The following ACSS3 variants were observed in gnomAD, a reference collection of about 807,000 sequenced individuals.
ACSS3 encodes the protein acyl-CoA synthetase short chain family member 3, also known as acyl-CoA synthetase short-chain family member 3, mitochondrial.
ACSS3 carries 64 observed loss-of-function variants against 84.2 expected under a neutral mutation model. The observed-to-expected ratio is 0.76, with a 90% CI of 0.62 to 0.94. The LOEUF (loss-of-function observed/expected upper bound fraction) is 0.94, where lower values mean the gene tolerates loss of function less well. Ranked by LOEUF, ACSS3 falls within the 40% of genes least tolerant of loss-of-function variation. The pLI is 0.00. For missense variants in ACSS3, 815 were observed against 867.6 expected, an observed-to-expected ratio of 0.94 and a Z score of 0.76; for synonymous variants, 317 against 310.1, an observed-to-expected ratio of 1.02 and a Z score of -0.23.
intron 3 of ACSS3, among the ~76,000 whole-genome samples, chr12:81,137,837 C>A (rs1885888330): frequency 6.6e-6 from 1 of 151,992 alleles, no homozygotes; most frequent in Admixed American, 6.6e-5. Flanking sequence ...ATTCAAATGT[C>A]TGACCTTTAA....
intron 1 of ACSS3, among the ~76,000 whole-genome samples, chr12:81,095,350 G>T (rs1881966895): frequency 6.6e-6 from 1 of 152,074 alleles, no homozygotes; most frequent in African/African-American, 2.4e-5. Context: ...CACTGTATTT[G>T]AATTTAATAT....
At chr12:81,103,643 C>A (rs1318318997) in intron 1 of ACSS3, among the ~76,000 whole-genome samples, 2 of 151,902 alleles carry the variant, frequency 1.3e-5, no homozygotes, top group African/African-American at 4.8e-5. Flanking sequence ...GCCTACAGAA[C>A]CTACCTCATT....
intron 7 of ACSS3, among the ~76,000 whole-genome samples, chr12:81,156,964 G>A (rs1886906714): frequency 6.6e-6 from 1 of 151,958 alleles, no homozygotes; most frequent in South Asian, 2.1e-4. Context: ...GTCTCTTTCA[G>A]AAAATAGAAG....
chr12:81,168,604 C>T (rs1381234704), intron 7 of ACSS3, among the ~76,000 whole-genome samples: 1 of 152,108 alleles, frequency 6.6e-6, no homozygotes, highest in Non-Finnish European at 1.5e-5. Flanking sequence ...CTAATCCTTC[C>T]ATCTTTGGAG....
intron 1 of ACSS3, among the ~76,000 whole-genome samples, chr12:81,088,047 TG>T (rs1455463006): frequency 6.6e-6 from 1 of 152,108 alleles, no homozygotes. Flanking sequence ...GTAGGAAGAT[TG>T]GTCTTCCCCA....
At chr12:81,250,010 C>T (rs2034100086) in intron 13 of ACSS3, among the ~76,000 whole-genome samples, 2 of 152,052 alleles carry the variant, frequency 1.3e-5, no homozygotes, top group Non-Finnish European at 2.9e-5. Context: ...AATCTCATAA[C>T]ATTTATATAC....
chr12:81,107,552 A>ATATATATATATATG (rs1883167410), intron 1 of ACSS3, among the ~76,000 whole-genome samples: 2 of 103,374 alleles, frequency 1.9e-5, no homozygotes, highest in South Asian at 3.0e-4. Context: ...ATATATATAT[A>ATATATATATATATG]TATATATAAA....
At chr12:81,130,809 G>T (rs571187134) in intron 2 of ACSS3, among the ~76,000 whole-genome samples, 1 of 152,112 alleles carries the variant, frequency 6.6e-6, no homozygotes, top group Non-Finnish European at 1.5e-5. Context: ...TTTGTATAAC[G>T]TGTAAGGAAG....
rs563442421 is a variant in ACSS3 at position 81,146,832 on chromosome 12, T to C, written c.921+3585T>C. Among the ~76,000 whole-genome samples, 27 of 152,258 alleles carry C rather than the reference T, an allele frequency of 1.8e-4. 1 individual carries two copies. Among genetic ancestry groups the C allele is most frequent in the Admixed American group, 1.2e-3 (18 of 15,292 alleles). On this transcript the variant is annotated intron_variant, in intron 5 of 15. Coordinates refer to ENST00000548058, the MANE Select transcript of ACSS3 (RefSeq NM_024560.4). The stretch of plus-strand genomic sequence containing the variant: ...TTTAGTGATTATAATATTTATCTTG[T>C]TCAGTTTGATATCATAAAGGGATCA...
intron 9 of ACSS3, among the ~76,000 whole-genome samples, chr12:81,210,369 G>C (rs2135925109): frequency 1.3e-5 from 2 of 152,190 alleles, no homozygotes; most frequent in Admixed American, 1.3e-4. Flanking sequence ...CATAACTCTT[G>C]GATTCCATCA....
At chr12:81,191,998 T>C (rs1036493842) in intron 8 of ACSS3, among the ~76,000 whole-genome samples, 13 of 152,240 alleles carry the variant, frequency 8.5e-5, no homozygotes, top group African/African-American at 2.9e-4. Context: ...CAAAAATAAC[T>C]GATTTTATGT....
chr12:81,210,112 A>G (rs1442953003), intron 9 of ACSS3, among the ~76,000 whole-genome samples: 2 of 152,138 alleles, frequency 1.3e-5, no homozygotes, highest in Admixed American at 6.5e-5. Flanking sequence ...GCAGCCCAGT[A>G]GGTCTCAGTA....
intron 9 of ACSS3, among the ~76,000 whole-genome samples, chr12:81,209,590 G>A (rs12826108): frequency 0.4 from 60,126 of 151,710 alleles, 12,650 homozygotes; most frequent in Non-Finnish European, 0.47. Context: ...GCAAGAAGGG[G>A]TTCTTGGACC....
At chr12:81,196,558 A>G (rs931609976) in intron 8 of ACSS3, among the ~76,000 whole-genome samples, 3 of 152,082 alleles carry the variant, frequency 2.0e-5, no homozygotes, top group South Asian at 2.1e-4. Context: ...TTATATTTCC[A>G]TTGGACCATG....
intron 8 of ACSS3, among the ~76,000 whole-genome samples, chr12:81,193,656 T>C (rs1258958729): frequency 6.6e-6 from 1 of 151,810 alleles, no homozygotes; most frequent in Non-Finnish European, 1.5e-5. Flanking sequence ...TCATCAGAAA[T>C]TATCTACACA....
At chr12:81,088,204 G>A (rs747581497) in intron 1 of ACSS3, among the ~76,000 whole-genome samples, 10 of 152,050 alleles carry the variant, frequency 6.6e-5, no homozygotes, top group Non-Finnish European at 1.0e-4. Context: ...AAGCAGTTTG[G>A]ATTGCTAAGC....
At chr12:81,156,588 C>T (rs1886882375) in intron 7 of ACSS3, among the ~76,000 whole-genome samples, 1 of 152,076 alleles carries the variant, frequency 6.6e-6, no homozygotes, top group Admixed American at 6.5e-5. Context: ...CACAAATTAC[C>T]AGTACCACAT....
intron 9 of ACSS3, among the ~76,000 whole-genome samples, chr12:81,215,813 T>G (rs2135940583): frequency 6.6e-6 from 1 of 152,232 alleles, no homozygotes; most frequent in East Asian, 1.9e-4. Flanking sequence ...ATCCCTCCAT[T>G]AAAAATAACC....
At chr12:81,084,014 G>A (rs1437270215) in intron 1 of ACSS3, among the ~76,000 whole-genome samples, 1 of 152,108 alleles carries the variant, frequency 6.6e-6, no homozygotes, top group South Asian at 2.1e-4. Flanking sequence ...CGATGGGTCA[G>A]TATTCCTGCA....
Sources: gnomAD v4.1 joint callset for allele counts (sites outside exome capture counted in the v4.1 genomes callset) on GRCh38, gnomAD v4.1.1 for gene constraint, MANE v1.5 for transcripts, NCBI Gene and HGNC (gene_info 2026-07-23, HGNC 2026-07-21) for gene names.